The following PSG1 variants were observed in gnomAD, a reference collection of about 807,000 sequenced individuals.
The protein encoded by PSG1 is pregnancy-specific beta-1-glycoprotein 1.
PSG1 carries 60 observed loss-of-function variants against 41.4 expected under a neutral mutation model. The ratio of observed to expected loss-of-function variants is 1.45; its 90% CI spans 1.18 to 1.80. PSG1 has a LOEUF of 1.80. PSG1 is among the 40% of genes most tolerant of loss of function. The pLI, the probability that PSG1 is intolerant of heterozygous loss-of-function variation, is 0.00. For synonymous variants in PSG1, 256 were observed against 192.9 expected (o/e 1.33, Z -2.71); for missense variants, 806 against 516.9 (o/e 1.56, Z -5.42).
At chr19:42,868,543 C>A (rs894106777) in intron 4 of PSG1, among the ~76,000 whole-genome samples, 188 bp from the exon 5 acceptor site, 1 of 151,354 alleles carries the variant, frequency 6.6e-6, no homozygotes. Flanking sequence ...CTGTGGGCCC[C>A]AAGTCTCCCA....
At chr19:42,875,311 G>C (rs1359488813) in intron 2 of PSG1, among the ~76,000 whole-genome samples, 5 of 151,726 alleles carry the variant, frequency 3.3e-5, no homozygotes, top group Admixed American at 1.3e-4. Context: ...TAAAACTAGT[G>C]AAAGACCATG....
chr19:42,873,569 G>A (rs1971482965), intron 2 of PSG1, among the ~76,000 whole-genome samples: 1 of 151,698 alleles, frequency 6.6e-6, no homozygotes, highest in Admixed American at 6.6e-5. Flanking sequence ...AAGATCAATT[G>A]CTGGTAGTAG....
At chr19:42,872,159 G>T in intron 2 of PSG1, 114 bp from the exon 3 acceptor site, 1 of 1,419,048 alleles carries the variant, frequency 7.0e-7, no homozygotes, top group Non-Finnish European at 9.6e-7. Flanking sequence ...GTCCTTAAAA[G>T]CCCATGGCAG....
rs1162143775 is a variant in PSG1, at chr19:42,878,266, T to A, written c.77A>T (p.Asn26Ile). ...GGCAGTGGTGGGCAGGTTCCAGAAG[T>A]TTAAAAGTGATGCTAGGAGGTGGAG... The part of the protein sequence containing the change: ...KGLLLTASLL[N>I]FWNLPTTAQV... Residue 26 changes from asparagine (N) to isoleucine (I), a missense_variant, in exon 2 of 6, where the codon AAC becomes ATC. Asn to Ile is a moderately radical substitution (Grantham distance 149). Coordinates refer to ENST00000436291, the MANE Select transcript of PSG1 (RefSeq NM_001184825.2). The A allele has an allele frequency of 1.2e-6, 2 of 1,607,162 alleles. No homozygotes were observed. Among genetic ancestry groups the A allele is most frequent in the Non-Finnish European group, 1.7e-6 (2 of 1,176,942 alleles).
At chr19:42,867,807 A>G in intron 5 of PSG1, 1 of 1,221,902 alleles carries the variant, frequency 8.2e-7, no homozygotes, top group Non-Finnish European at 1.2e-6. Context: ...TTAAAGAATC[A>G]GCAAATTTTC....
intron 3 of PSG1, among the ~76,000 whole-genome samples, chr19:42,870,835 T>C (rs1249226784): frequency 6.6e-6 from 1 of 151,742 alleles, no homozygotes; most frequent in Non-Finnish European, 1.5e-5. Flanking sequence ...TTAAACTTAC[T>C]CCAAAATATT....
At chr19:42,867,996 C>T in intron 5 of PSG1, 105 bp downstream of exon 5, 4 of 1,606,898 alleles carry the variant, frequency 2.5e-6, no homozygotes, top group Non-Finnish European at 3.4e-6. Context: ...TTGCTTGTGC[C>T]CATGGGACAC....
rs1163689678 is a variant in PSG1, at chr19:42,878,110, T to A, written c.233A>T (p.Tyr78Phe). Residue 78 changes from tyrosine to phenylalanine, a missense_variant, in exon 2 of 6, where the codon TAC becomes TTC. Transcript: ENST00000436291. Reference protein sequence around the residue: ...YKGQMRDLYHYITSYVVDGEI... With the variant: ...YKGQMRDLYHFITSYVVDGEI... The stretch of plus-strand genomic sequence containing the variant: ...ACCGTCTACTACATATGATGTAATG[T>A]AATGGTAGAGGTCCCTCATTTGCCC... The A allele has an allele frequency of 6.2e-7, 1 of 1,612,144 alleles. No homozygotes were observed. Among genetic ancestry groups the A allele is most frequent in the South Asian group, 1.1e-5 (1 of 90,820 alleles).
chr19:42,871,851 T>A lies in PSG1; in HGVS notation c.625A>T (p.Lys209Ter), dbSNP rs1242568871. 1 of 1,612,562 alleles carries A rather than the reference T, an allele frequency of 6.2e-7. No individual in the cohort carries two copies. The highest frequency in any genetic ancestry group is 2.2e-5 in the East Asian group (1 of 44,798). ...CATTCATAGGGTCCTGCAGTATACT[T>A]TGTGACACCCAATAGAAAGAGGGTC... ...NRTLFLLGVT[K>*]YTAGPYECEI... Residue 209 changes from lysine to a stop codon, truncating the protein, a stop_gained, in exon 3 of 6, where the codon AAG (lysine) becomes TAG (stop). Coordinates refer to ENST00000436291, the MANE Select transcript of PSG1 (RefSeq NM_001184825.2). LOFTEE classifies it high-confidence loss of function.
intron 2 of PSG1, among the ~76,000 whole-genome samples, chr19:42,876,264 A>C (rs1209872322): frequency 3.3e-5 from 5 of 151,392 alleles, no homozygotes; most frequent in African/African-American, 4.9e-5. Context: ...GCAGTGAGGG[A>C]GACACTGTCT....
In PSG1 at chr19:42,866,912, T is replaced by G. The variant is rs1453891487; in HGVS notation, c.*222A>C. On this transcript the variant is annotated 3_prime_UTR_variant, in exon 6 of 6. Transcript: ENST00000436291. ...ATCTTGGGAAAAACTGTCCACAGTG[T>G]GAAGTCATCCACTTGTTGTCCTGGT... The G allele has an allele frequency of 4.3e-6, 3 of 691,528 alleles. No individual in the cohort carries two copies. The highest frequency in any genetic ancestry group is 5.3e-6 in the Non-Finnish European group (2 of 378,454). The allele number at this position is 691,528 out of a possible 1,614,324, so 42.8% of individuals were successfully genotyped here. A position where few individuals can be genotyped will look rare whatever the true frequency, so the allele number is the denominator to read the frequency against.
intron 2 of PSG1, among the ~76,000 whole-genome samples, chr19:42,872,438 G>A (rs1297786103): frequency 6.6e-6 from 1 of 151,628 alleles, no homozygotes; most frequent in Non-Finnish European, 1.5e-5. Flanking sequence ...TGCCCACTGA[G>A]GTATGTTTTC....
Position 42,868,976 on chromosome 19 carries a change from A to G in PSG1, c.768T>C (p.Asp256=), listed in dbSNP as rs752117460. 3 of 1,610,552 alleles carry G rather than the reference A, an allele frequency of 1.9e-6. No homozygotes were observed. In the Admixed American group the frequency reaches 5.0e-5, roughly 27 times the overall value. Residue 256 remains aspartate (D), a synonymous_variant, in exon 4 of 6, where the codon GAT becomes GAC. Transcript: ENST00000436291. ...TAGGTTCACAGGTGAAGTTTAAGAC[A>G]TCCTTATTCTCCCTGGGGTTTAAGT... The part of the protein sequence containing the change: ...INNLNPRENK[D]VLNFTCEPKS...
intron 5 of PSG1, chr19:42,867,781 G>T (rs773877798): frequency 9.5e-7 from 1 of 1,051,024 alleles, no homozygotes; most frequent in Non-Finnish European, 1.4e-6. Flanking sequence ...TTCCATCAAT[G>T]TAGAAAACAA....
Position 42,876,488 on chromosome 19 carries a change from A to G in PSG1, c.430+1425T>C, listed in dbSNP as rs371530997. Among the ~76,000 whole-genome samples the G allele has an allele frequency of 5.0e-4, 75 of 151,492 alleles. 2 individuals carry two copies. Among genetic ancestry groups the G allele is most frequent in the African/African-American group, 1.4e-3 (57 of 41,292 alleles). On this transcript the variant is annotated intron_variant, in intron 2 of 5. Coordinates refer to ENST00000436291, the MANE Select transcript of PSG1 (RefSeq NM_001184825.2). ...CCTAGGATTCTGCATCCAAGATCCA[A>G]TCTCTAAAGAGGTTTTGGATCATTC... is the stretch of plus-strand genomic sequence containing the variant.
At chr19:42,869,339 C>T in intron 3 of PSG1, 1 of 528,554 alleles carries the variant, frequency 1.9e-6, no homozygotes, top group Non-Finnish European at 3.1e-6. Context: ...CCTCCCTAAT[C>T]AGTTGACTGG....
At chr19:42,879,412 A>G (rs1050501821) in intron 1 of PSG1, 106 bp downstream of exon 1, 10 of 1,504,996 alleles carry the variant, frequency 6.6e-6, no homozygotes, top group Admixed American at 3.4e-5. Context: ...TCAGACTCCC[A>G]AAGTGCTGGC....
intron 3 of PSG1, among the ~76,000 whole-genome samples, chr19:42,871,164 A>G (rs1600496877): frequency 2.0e-5 from 3 of 151,594 alleles, no homozygotes; most frequent in South Asian, 4.2e-4. Flanking sequence ...TGAGTTATGG[A>G]TGAAACAGAC....
chr19:42,868,978 C>G lies in PSG1; in HGVS notation c.766G>C (p.Asp256His), dbSNP rs369332823. 5.0e-6 allele frequency: 8 copies of G among 1,610,468 alleles called. No individual in the cohort carries two copies. The Admixed American group carries it at 1.0e-4, about 20-fold the overall frequency. The change falls in exon 4 of 6, where the codon GAT becomes CAT. Residue 256 changes from aspartate to histidine, a missense_variant. By Grantham distance (81) the Asp-to-His change is moderately conservative (BLOSUM62 -1). Transcript: ENST00000436291. ...INNLNPRENK[D>H]VLNFTCEPKS... Reference sequence around the variant, plus strand: ...GGTTCACAGGTGAAGTTTAAGACATCCTTATTCTCCCTGGGGTTTAAGTTG... The same window carrying G: ...GGTTCACAGGTGAAGTTTAAGACATGCTTATTCTCCCTGGGGTTTAAGTTG...
Sources: gnomAD v4.1 joint callset for allele counts (sites outside exome capture counted in the v4.1 genomes callset) on GRCh38, gnomAD v4.1.1 for gene constraint, MANE v1.5 for transcripts, NCBI Gene and HGNC (gene_info 2026-07-23, HGNC 2026-07-21) for gene names.